Variants in TRPM1 observed in about 807,000 individuals in gnomAD.
TRPM1 encodes TRPM1-203 APA Isoform, Intron 10.
In TRPM1, 113 loss-of-function variants were observed where a neutral mutation model predicts 149.4. The observed-to-expected ratio is 0.76, with a 90% CI of 0.65 to 0.88. The LOEUF is 0.88. TRPM1 is among the 40% of genes least tolerant of loss of function. The probability of loss-of-function intolerance (pLI) is 0.00; values close to 1 mark genes in which losing one functional copy is unlikely to be tolerated. For missense variants in TRPM1, 1,976 were observed against 2,038.7 expected, an observed-to-expected ratio of 0.97 and a Z score of 0.59; for synonymous variants, 741 against 759.5, an observed-to-expected ratio of 0.98 and a Z score of 0.40.
upstream of TRPM1, among the ~76,000 whole-genome samples, chr15:31,104,614 G>A (rs781262762): frequency 2.4e-4 from 25 of 102,478 alleles, no homozygotes; most frequent in Non-Finnish European, 1.3e-4. Context: ...TTTTTTTTGA[G>A]ACGGAGTCTT....
At chr15:31,053,570 G>A (rs1041212383) in intron 11 of TRPM1, among the ~76,000 whole-genome samples, 1 of 152,116 alleles carries the variant, frequency 6.6e-6, no homozygotes, top group Non-Finnish European at 1.5e-5. Flanking sequence ...CAGCCAAGAT[G>A]GCTATTATCT....
rs2031805161 is a variant in TRPM1 at position 31,002,305 on chromosome 15, G to C, written c.4395C>G (p.Ser1465=). 1.9e-6 allele frequency: 3 copies of C among 1,614,120 alleles called. No individual in the cohort carries two copies. Among genetic ancestry groups the C allele is most frequent in the Non-Finnish European group, 2.5e-6 (3 of 1,180,018 alleles). ...KTMKSRSFVY[S]RGRKLVGGVN... is the part of the protein sequence containing the mutation. ...CCCCACCGACCAGCTTTCTTCCCCG[G>C]GAATAGACGAAGCTTCTGGACTTCA... The change falls in exon 28 of 28, where the codon TCC becomes TCG. Residue 1465 remains serine, a synonymous_variant. Transcript: ENST00000256552.
intron 2 of TRPM1, among the ~76,000 whole-genome samples, chr15:31,079,629 A>C (rs925617718): frequency 3.3e-5 from 5 of 152,216 alleles, no homozygotes; most frequent in African/African-American, 1.2e-4. Context: ...CACTCAGTCC[A>C]TCCCACACTC....
At chr15:31,103,140 G>A (rs889910440), upstream of TRPM1, among the ~76,000 whole-genome samples, 9 of 152,220 alleles carry the variant, frequency 5.9e-5, no homozygotes, top group Admixed American at 5.2e-4. Context: ...TGGCCAGCCC[G>A]ACCGGCTGCC....
chr15:31,107,853 C>G (rs1417494882), intron 1 of TRPM1, among the ~76,000 whole-genome samples: 1 of 147,964 alleles, frequency 6.8e-6, no homozygotes, highest in African/African-American at 2.6e-5. Context: ...TTGTAAATTT[C>G]TTTTCTTTTC....
chr15:31,034,731 C>T (rs1179340859), intron 21 of TRPM1, among the ~76,000 whole-genome samples: 1 of 152,262 alleles, frequency 6.6e-6, no homozygotes, highest in Admixed American at 6.5e-5. Context: ...GTGCAAGTGT[C>T]TCTTGTATCT....
At chr15:31,093,260 C>CA (rs34790478) in intron 1 of TRPM1, among the ~76,000 whole-genome samples, 868 of 63,204 alleles carry the variant, frequency 0.014, 45 homozygotes, top group African/African-American at 0.031. Context: ...GACTTTGTCT[C>CA]AAAAAAAAAA....
chr15:31,061,641 G>A (rs2034235063), intron 9 of TRPM1, 127 bp from the exon 10 acceptor site: 1 of 787,064 alleles, frequency 1.3e-6, no homozygotes, highest in East Asian at 2.6e-5. Context: ...CAGTTTCAAA[G>A]CAAGTGCTGT....
intron 27 of TRPM1, among the ~76,000 whole-genome samples, chr15:31,016,986 C>CA (rs1428703762): frequency 1.0e-5 from 1 of 100,282 alleles, no homozygotes; most frequent in African/African-American, 3.9e-5. Context: ...CACACACACA[C>CA]ACAAAAAAAA....
At chr15:31,036,925 C>T (rs1004205786) in intron 20 of TRPM1, among the ~76,000 whole-genome samples, 2 of 152,216 alleles carry the variant, frequency 1.3e-5, no homozygotes, top group Non-Finnish European at 2.9e-5. Flanking sequence ...CTCCTCATGT[C>T]CCATACCCTG....
chr15:31,055,683 C>T lies in TRPM1; in HGVS notation c.1263+4861G>A, dbSNP rs1024142946. The stretch of plus-strand genomic sequence containing the variant: ...CCAGAGCCCATCAGCCCTCTCCAGT[C>T]GGCACTCAGCAAAGCAGGAGGTTCA... On this transcript the variant is annotated intron_variant, in intron 11 of 27. Transcript: ENST00000256552. Among the ~76,000 whole-genome samples the T allele has an allele frequency of 5.3e-5, 8 of 152,280 alleles. No homozygotes were observed. The East Asian group carries it at 7.7e-4, about 15-fold the overall frequency.
At chr15:31,077,019 A>G (rs1461176202) in intron 2 of TRPM1, 35 bp from the exon 3 acceptor site, 3 of 1,436,342 alleles carry the variant, frequency 2.1e-6, no homozygotes, top group Admixed American at 1.7e-5. Context: ...TTGGACCAAT[A>G]CATTCCCAAG....
At chr15:31,158,923 AT>A (rs527669066) in intron 1 of TRPM1, among the ~76,000 whole-genome samples, 185 of 152,188 alleles carry the variant, frequency 1.2e-3, no homozygotes, top group African/African-American at 4.1e-3. Flanking sequence ...TTTAGTAAAC[AT>A]TATTAATTTG....
chr15:31,074,039 G>C (rs2034627631), intron 3 of TRPM1, among the ~76,000 whole-genome samples: 1 of 151,162 alleles, frequency 6.6e-6, no homozygotes, highest in African/African-American at 2.4e-5. Context: ...TACATTCCTG[G>C]GATAAACCCT....
intron 1 of TRPM1, among the ~76,000 whole-genome samples, chr15:31,109,872 G>A (rs1186208584): frequency 6.6e-6 from 1 of 152,092 alleles, no homozygotes; most frequent in East Asian, 1.9e-4. Flanking sequence ...GCTGGAGACG[G>A]GCGATGGGCA....
intron 21 of TRPM1, among the ~76,000 whole-genome samples, chr15:31,034,443 C>T (rs1445617200): frequency 6.6e-6 from 1 of 152,226 alleles, no homozygotes; most frequent in African/African-American, 2.4e-5. Context: ...CACCTGCCCC[C>T]TTCTGGGAGG....
At chr15:31,056,316 A>G (rs2034086911) in intron 11 of TRPM1, among the ~76,000 whole-genome samples, 1 of 152,226 alleles carries the variant, frequency 6.6e-6, no homozygotes. Context: ...GGGACCTTTG[A>G]AAGCCAGAAG....
chr15:31,034,733 C>T (rs1044615481), intron 21 of TRPM1, among the ~76,000 whole-genome samples: 3 of 152,226 alleles, frequency 2.0e-5, no homozygotes, highest in Admixed American at 6.5e-5. Context: ...GCAAGTGTCT[C>T]TTGTATCTCT....
intron 1 of TRPM1, among the ~76,000 whole-genome samples, chr15:31,160,039 T>A (rs1419587840): frequency 6.6e-6 from 1 of 152,030 alleles, no homozygotes; most frequent in African/African-American, 2.4e-5. Flanking sequence ...CTGTGCACAA[T>A]GGGCAGCCCC....
Sources: allele counts gnomAD v4.1 joint callset (sites outside exome capture counted in the v4.1 genomes callset), GRCh38; gene constraint gnomAD v4.1.1; transcripts MANE v1.5; gene names NCBI Gene and HGNC (gene_info 2026-07-23, HGNC 2026-07-21).